CPEB2: variants seen among roughly 807,000 people sequenced by gnomAD.
CPEB2 encodes the protein cytoplasmic polyadenylation element binding protein 2, also known as cytoplasmic polyadenylation element-binding protein 2.
Under a neutral mutation model 93.6 loss-of-function variants are expected in CPEB2, and 56 were observed. That is an observed-to-expected ratio of 0.60 (90% CI 0.48 to 0.75). The LOEUF is 0.75. CPEB2 is among the 30% of genes least tolerant of loss of function. The pLI, the probability that CPEB2 is intolerant of heterozygous loss-of-function variation, is 0.00. For synonymous variants in CPEB2, 764 were observed against 586.3 expected (o/e 1.30, Z -4.38); for missense variants, 1,579 against 1,395.1 (o/e 1.13, Z -2.10).
At chr4:15,045,865 C>T (rs1727624869) in intron 6 of CPEB2, among the ~76,000 whole-genome samples, 1 of 151,984 alleles carries the variant, frequency 6.6e-6, no homozygotes, top group Admixed American at 6.5e-5. Flanking sequence ...TTATAAGTAT[C>T]AGTCTCAAGT....
intron 5 of CPEB2, among the ~76,000 whole-genome samples, chr4:15,038,012 G>A (rs1224928426): frequency 5.3e-5 from 8 of 152,126 alleles, no homozygotes. Context: ...GTGTGATGGT[G>A]GCAGATTAGT....
At chr4:15,027,465 A>AT (rs1267210742) in intron 4 of CPEB2, among the ~76,000 whole-genome samples, 1 of 152,178 alleles carries the variant, frequency 6.6e-6, no homozygotes, top group African/African-American at 2.4e-5. Flanking sequence ...ATGCATTGAA[A>AT]TTTGGGAGTG....
In CPEB2 at chr4:15,017,272, CT is replaced by C; in HGVS notation, c.2121del (p.Lys708ArgfsTer4). The C allele has an allele frequency of 6.4e-7, 1 of 1,570,960 alleles. No individual in the cohort carries two copies. Among genetic ancestry groups the C allele is most frequent in the Non-Finnish European group, 8.7e-7 (1 of 1,148,572 alleles). ...IDIMRAEHDPLKGRLSYPHPG... is the reference protein window; with the variant it reads ...IDIMRAEHDPXKGRLSYPHPG... ...TATTATGAGAGCAGAGCATGATCCT[CT>C]TAAGGGTAGGTGACTTTTTAAAAAA... On this transcript the variant is annotated frameshift_variant, in exon 4 of 12. Transcript: ENST00000538197. LOFTEE classifies it high-confidence loss of function.
At chr4:15,018,806 A>T (rs574732588) in intron 4 of CPEB2, among the ~76,000 whole-genome samples, 1 of 149,858 alleles carries the variant, frequency 6.7e-6, no homozygotes, top group African/African-American at 2.4e-5. Flanking sequence ...GTTAGACAAA[A>T]TGTTCATTGT....
intron 4 of CPEB2, among the ~76,000 whole-genome samples, chr4:15,024,788 C>T (rs1397747537): frequency 1.4e-5 from 2 of 145,274 alleles, no homozygotes; most frequent in African/African-American, 5.1e-5. Context: ...CACTGTTGTC[C>T]AGGCTGGAGT....
chr4:15,017,936 ATT>A (rs1013129754), intron 4 of CPEB2: 2 of 151,890 alleles, frequency 1.3e-5, no homozygotes, highest in Non-Finnish European at 2.9e-5. Context: ...AATATATCAC[ATT>A]GTCATTTATA....
chr4:15,014,519 G>T (rs1723864484), intron 3 of CPEB2, among the ~76,000 whole-genome samples: 1 of 151,886 alleles, frequency 6.6e-6, no homozygotes, highest in Non-Finnish European at 1.5e-5. Flanking sequence ...GGAAATTCAG[G>T]TTCATAGCAA....
In CPEB2 at chr4:15,049,931, T is replaced by G. The variant is rs1728064454; in HGVS notation, c.2201-2483T>G. ...CCTTCTTGTCCCCAACCCATTCTGTTCAGGCTGTCACATTTCTAATTGTCT... is the reference window on the plus strand; with the variant it reads ...CCTTCTTGTCCCCAACCCATTCTGTGCAGGCTGTCACATTTCTAATTGTCT... On this transcript the variant is annotated intron_variant, in intron 6 of 11. Coordinates refer to ENST00000538197, the MANE Select transcript of CPEB2 (RefSeq NM_001177382.2). Among the ~76,000 whole-genome samples, 3 of 152,330 alleles carry G rather than the reference T, an allele frequency of 2.0e-5. No homozygotes were observed. In the South Asian group the frequency reaches 6.2e-4, roughly 32 times the overall value.
intron 5 of CPEB2, among the ~76,000 whole-genome samples, chr4:15,035,825 C>T (rs1283568414): frequency 6.6e-6 from 1 of 152,118 alleles, no homozygotes; most frequent in Non-Finnish European, 1.5e-5. Context: ...TACACAGATA[C>T]ACATTAAAAT....
chr4:15,066,132 T>C, intron 11 of CPEB2, 21 bp from the exon 12 acceptor site: 2 of 1,599,660 alleles, frequency 1.3e-6, no homozygotes, highest in Non-Finnish European at 1.7e-6. Flanking sequence ...CTAATGAGAC[T>C]TAACTTTCTT....
intron 6 of CPEB2, among the ~76,000 whole-genome samples, chr4:15,042,259 T>C (rs535189718): frequency 6.6e-6 from 1 of 152,334 alleles, no homozygotes; most frequent in Non-Finnish European, 1.5e-5. Flanking sequence ...AAGAAGTTCT[T>C]AGGAACAAGG....
chr4:15,061,810 C>T (rs1729211326), intron 10 of CPEB2, among the ~76,000 whole-genome samples: 1 of 144,778 alleles, frequency 6.9e-6, no homozygotes, highest in Non-Finnish European at 1.5e-5. Context: ...TAGGAAAGAG[C>T]ATGGAACTAT....
Position 15,069,088 on chromosome 4 carries a change from A to G in CPEB2, c.*2708A>G, listed in dbSNP as rs747119594. On this transcript the variant is annotated 3_prime_UTR_variant, in exon 12 of 12. Transcript: ENST00000538197. ...GCTTCTTCACTTGTGTTCCCTAAAT[A>G]TTCATATTGCTGCCCAAAAGTATGA... is the stretch of plus-strand genomic sequence containing the variant. 21 of 152,056 alleles carry G rather than the reference A, an allele frequency of 1.4e-4. No homozygotes were observed. Among genetic ancestry groups the G allele is most frequent in the Admixed American group, 3.9e-4 (6 of 15,200 alleles). 9.4% of individuals were successfully genotyped at this position (152,056 alleles called of 1,614,324 possible). A position where few individuals can be genotyped will look rare whatever the true frequency, so the allele number is the denominator to read the frequency against.
At chr4:15,004,702 C>T (rs557993429) in intron 1 of CPEB2, among the ~76,000 whole-genome samples, 2 of 151,924 alleles carry the variant, frequency 1.3e-5, no homozygotes, top group African/African-American at 2.4e-5. Context: ...CCCGGCCCTC[C>T]TAGCTGGCGC....
intron 5 of CPEB2, among the ~76,000 whole-genome samples, chr4:15,039,471 C>T (rs895807540): frequency 2.0e-5 from 3 of 151,870 alleles, no homozygotes; most frequent in Admixed American, 1.3e-4. Flanking sequence ...TTTTTCCAGG[C>T]CTAAAAAAAT....
chr4:15,024,373 C>G (rs1725193838), intron 4 of CPEB2, among the ~76,000 whole-genome samples: 1 of 151,962 alleles, frequency 6.6e-6, no homozygotes, highest in African/African-American at 2.4e-5. Context: ...ATGTTTCTAC[C>G]TATATAATAT....
intron 5 of CPEB2, among the ~76,000 whole-genome samples, chr4:15,036,175 A>T (rs1379199800): frequency 2.6e-5 from 4 of 151,736 alleles, no homozygotes; most frequent in Non-Finnish European, 4.4e-5. Flanking sequence ...TATATTTTTT[A>T]AAAAAGAGGT....
intron 3 of CPEB2, among the ~76,000 whole-genome samples, chr4:15,016,813 A>G (rs926469150): frequency 6.6e-6 from 1 of 151,990 alleles, no homozygotes; most frequent in African/African-American, 2.4e-5. Flanking sequence ...ATGTGCCACT[A>G]TCTGTCTTCC....
At chr4:15,015,994 A>G (rs756086788) in intron 3 of CPEB2, among the ~76,000 whole-genome samples, 3 of 152,026 alleles carry the variant, frequency 2.0e-5, no homozygotes, top group Non-Finnish European at 2.9e-5. Context: ...AAAATGCAGA[A>G]AGGGGGGACT....
Sources: allele counts gnomAD v4.1 joint callset (sites outside exome capture counted in the v4.1 genomes callset), GRCh38; gene constraint gnomAD v4.1.1; transcripts MANE v1.5; gene names NCBI Gene and HGNC (gene_info 2026-07-23, HGNC 2026-07-21).